Variants in ICE1 observed in about 807,000 individuals in gnomAD.
ICE1 encodes the protein little elongation complex subunit 1.
ICE1 carries 64 observed loss-of-function variants against 192.7 expected under a neutral mutation model. That is an observed-to-expected ratio of 0.33 (90% CI 0.27 to 0.41). ICE1 has a LOEUF of 0.41. Ranked by LOEUF, ICE1 falls within the 10% of genes least tolerant of loss-of-function variation. The probability of loss-of-function intolerance (pLI) is 1.00; values close to 1 mark genes in which losing one functional copy is unlikely to be tolerated. For synonymous variants in ICE1, 1,010 were observed against 984.5 expected (o/e 1.03, Z -0.49); for missense variants, 2,708 against 2,696.0 (o/e 1.00, Z -0.10).
In ICE1 at chr5:5,463,658, T is replaced by C. The variant is rs1393147581; in HGVS notation, c.4324T>C (p.Cys1442Arg). ...GCCACATGTGGACCAGGTCACACTG[T>C]GTGACATTCCTGGAGACATCCCTAT... Reference protein sequence around the residue: ...VLPHVDQVTLCDIPGDIPISQ... With the variant: ...VLPHVDQVTLRDIPGDIPISQ... The change falls in exon 13 of 19, where the codon TGT becomes CGT. Residue 1442 changes from cysteine to arginine, a missense_variant. By Grantham distance (180) the Cys-to-Arg change is radical (BLOSUM62 -3). This residue lies in a region of ICE1 where 2,366 missense variants were observed against 2,276.6 expected (regional missense o/e 1.04). Coordinates refer to ENST00000296564, the MANE Select transcript of ICE1 (RefSeq NM_015325.3). The C allele has an allele frequency of 1.2e-6, 2 of 1,613,862 alleles. No individual in the cohort carries two copies. Among genetic ancestry groups the C allele is most frequent in the East Asian group, 4.5e-5 (2 of 44,888 alleles).
At position 5,460,717 on chromosome 5, in the gene ICE1, A is replaced by C. The variant is rs1260725776; in HGVS notation, c.1383A>C (p.Glu461Asp). The change falls in exon 13 of 19, where the codon GAA becomes GAC. Residue 461 changes from glutamate to aspartate, a missense_variant. By Grantham distance (45) the Glu-to-Asp change is conservative. This residue lies in a region of ICE1 where 2,366 missense variants were observed against 2,276.6 expected (regional missense o/e 1.04). Coordinates refer to ENST00000296564, the MANE Select transcript of ICE1 (RefSeq NM_015325.3). ...ESSATHSLVGEKHWTTASRSM... is the reference protein window; with the variant it reads ...ESSATHSLVGDKHWTTASRSM... The stretch of plus-strand genomic sequence containing the variant: ...CTGCCACACACTCCTTAGTTGGTGA[A>C]AAACACTGGACCACAGCATCTCGAT... The C allele has an allele frequency of 6.2e-7, 1 of 1,613,888 alleles. No individual in the cohort carries two copies. The highest frequency in any genetic ancestry group is 8.5e-7 in the Non-Finnish European group (1 of 1,179,916).
chr5:5,445,175 G>T lies in ICE1; in HGVS notation c.424+849G>T, dbSNP rs115022466. Reference sequence around the variant, plus strand: ...AGAGTTTGAATTTAGTTACATCCGGGCACATAGAATAATAGTTGCGGAAAG... The same window carrying T: ...AGAGTTTGAATTTAGTTACATCCGGTCACATAGAATAATAGTTGCGGAAAG... On this transcript the variant is annotated intron_variant, in intron 7 of 18. Transcript: ENST00000296564. Among the ~76,000 whole-genome samples, 586 of 152,252 alleles carry T rather than the reference G, an allele frequency of 3.8e-3. 7 individuals are homozygous for T. Among genetic ancestry groups the T allele is most frequent in the South Asian group, 0.035 (170 of 4,816 alleles).
In ICE1 at chr5:5,463,637, CAT is replaced by C; in HGVS notation, c.4304_4305del (p.His1435ArgfsTer8). On this transcript the variant is annotated frameshift_variant, in exon 13 of 19. Transcript: ENST00000296564. LOFTEE classifies it high-confidence loss of function. Reference sequence around the variant, plus strand: ...CATCAGTGGTGTAGCTGTCTTGCCACATGTGGACCAGGTCACACTGTGTGACA... The same window carrying C: ...CATCAGTGGTGTAGCTGTCTTGCCACGTGGACCAGGTCACACTGTGTGACA... Reference protein sequence around the residue: ...TIISGVAVLPHVDQVTLCDIP... With the variant: ...TIISGVAVLPXVDQVTLCDIP... 1 of 1,613,996 alleles carries C rather than the reference CAT, an allele frequency of 6.2e-7. No individual in the cohort carries two copies. Among genetic ancestry groups the C allele is most frequent in the Non-Finnish European group, 8.5e-7 (1 of 1,179,888 alleles).
intron 17 of ICE1, among the ~76,000 whole-genome samples, chr5:5,480,089 A>G (rs1271715153): frequency 2.0e-5 from 3 of 152,150 alleles, no homozygotes; most frequent in Non-Finnish European, 4.4e-5. Flanking sequence ...CACAACTGAA[A>G]AAAGAAAGCT....
chr5:5,476,102 G>GT (rs781708880), intron 17 of ICE1, 23 bp downstream of exon 17: 4 of 1,400,320 alleles, frequency 2.9e-6, no homozygotes, highest in African/African-American at 1.5e-5. Flanking sequence ...TTTTATTATT[G>GT]TTTTTTTCTT....
chr5:5,429,164 G>A (rs1338585599), intron 1 of ICE1, among the ~76,000 whole-genome samples: 3 of 152,110 alleles, frequency 2.0e-5, no homozygotes, highest in South Asian at 2.1e-4. Flanking sequence ...GTTATCTGCC[G>A]GGGAATCTCA....
chr5:5,476,194 C>A, intron 17 of ICE1, 115 bp downstream of exon 17: 1 of 569,184 alleles, frequency 1.8e-6, no homozygotes, highest in African/African-American at 2.0e-5. Context: ...ATTTTACAAC[C>A]ATCAGAGTAG....
At chr5:5,479,323 G>A (rs1410237051) in intron 17 of ICE1, among the ~76,000 whole-genome samples, 1 of 152,160 alleles carries the variant, frequency 6.6e-6, no homozygotes, top group Non-Finnish European at 1.5e-5. Context: ...CATTTATGCG[G>A]CCAACAAACA....
At chr5:5,424,379 C>G (rs1358551911) in intron 1 of ICE1, among the ~76,000 whole-genome samples, 1 of 152,034 alleles carries the variant, frequency 6.6e-6, no homozygotes, top group Non-Finnish European at 1.5e-5. Context: ...AACGCCCCCC[C>G]GCCCCCGCCA....
At chr5:5,482,246 A>G (rs1453934968) in intron 17 of ICE1, among the ~76,000 whole-genome samples, 1 of 152,192 alleles carries the variant, frequency 6.6e-6, no homozygotes, top group African/African-American at 2.4e-5. Context: ...ATTTATGACT[A>G]TTTAATAATA....
At chr5:5,438,471 T>G (rs1393632768) in intron 3 of ICE1, among the ~76,000 whole-genome samples, 2 of 152,250 alleles carry the variant, frequency 1.3e-5, no homozygotes, top group Non-Finnish European at 2.9e-5. Context: ...TCTTCTTATG[T>G]GCCTCATCTG....
At chr5:5,434,436 C>G (rs983273508) in intron 1 of ICE1, among the ~76,000 whole-genome samples, 3 of 152,160 alleles carry the variant, frequency 2.0e-5, no homozygotes, top group Non-Finnish European at 4.4e-5. Context: ...TTATTCACTG[C>G]TGGATTTACT....
At position 5,462,015 on chromosome 5, in the gene ICE1, A is replaced by T; in HGVS notation, c.2681A>T (p.Asn894Ile). The T allele has an allele frequency of 3.1e-6, 5 of 1,613,988 alleles. No individual in the cohort carries two copies. Among genetic ancestry groups the T allele is most frequent in the Non-Finnish European group, 4.2e-6 (5 of 1,179,888 alleles). The stretch of plus-strand genomic sequence containing the variant: ...ACCTTAGTAACAGAAAATAGTGGCA[A>T]CAAAACCGGTATGTCAACTGTAGCA... ...EPTLVTENSG[N>I]KTGMSTVAKC... Residue 894 changes from asparagine to isoleucine, a missense_variant, in exon 13 of 19, where the codon AAC (asparagine) becomes ATC (isoleucine). Physicochemically the swap from Asn to Ile is moderately radical, Grantham distance 149. Coordinates refer to ENST00000296564, the MANE Select transcript of ICE1 (RefSeq NM_015325.3).
Position 5,461,970 on chromosome 5 carries a change from G to C in ICE1, c.2636G>C (p.Arg879Thr), listed in dbSNP as rs762641565. Residue 879 changes from arginine to threonine, a missense_variant, in exon 13 of 19, where the codon AGG becomes ACG. Arg to Thr is a moderately conservative substitution (Grantham distance 71). This residue lies in a region of ICE1 where 2,366 missense variants were observed against 2,276.6 expected (regional missense o/e 1.04). Coordinates refer to ENST00000296564, the MANE Select transcript of ICE1 (RefSeq NM_015325.3). ...CAGAGTGCCAAATTGGAACACTTGA[G>C]GCCACATAGGGTTGAGCCTACCTTA... ...KVQSAKLEHL[R>T]PHRVEPTLVT... 1.2e-6 allele frequency: 2 copies of C among 1,613,954 alleles called. No homozygotes were observed. Among genetic ancestry groups the C allele is most frequent in the Non-Finnish European group, 1.7e-6 (2 of 1,179,890 alleles).
chr5:5,465,260 A>T (rs1367719040), intron 13 of ICE1, 34 bp downstream of exon 13: 6 of 1,418,580 alleles, frequency 4.2e-6, no homozygotes, highest in Non-Finnish European at 5.7e-6. Context: ...TGCATTAGGG[A>T]TTACATGTCC....
intron 11 of ICE1, among the ~76,000 whole-genome samples, chr5:5,455,252 T>C (rs1015927822): frequency 6.6e-6 from 1 of 152,144 alleles, no homozygotes; most frequent in African/African-American, 2.4e-5. Flanking sequence ...CTAAAGACAG[T>C]TGGAAAAAAT....
chr5:5,461,512 A>G lies in ICE1; in HGVS notation c.2178A>G (p.Thr726=). 6.2e-7 allele frequency: 1 copy of G among 1,613,594 alleles called. No homozygotes were observed. The highest frequency in any genetic ancestry group is 1.7e-5 in the Admixed American group (1 of 59,964). The change falls in exon 13 of 19, where the codon ACA becomes ACG. Residue 726 remains threonine, a synonymous_variant. Transcript: ENST00000296564. ...AGAAGAGCAGTGGGATAGAATATAC[A>G]AAAGTAGTAAAAGGCTTGACCAAAA... ...NDQKSSGIEY[T]KVVKGLTKIH... is the part of the protein sequence containing the mutation.
At chr5:5,450,335 T>C (rs999974879) in intron 10 of ICE1, among the ~76,000 whole-genome samples, 2 of 152,178 alleles carry the variant, frequency 1.3e-5, no homozygotes, top group Non-Finnish European at 2.9e-5. Flanking sequence ...AAAAGATCAA[T>C]TAAGTTGATC....
intron 7 of ICE1, among the ~76,000 whole-genome samples, chr5:5,446,675 C>T (rs890282359): frequency 1.3e-5 from 2 of 151,912 alleles, no homozygotes; most frequent in South Asian, 2.1e-4. Flanking sequence ...CTTTATTTTT[C>T]GTGTATAAAA....
Sources: allele counts gnomAD v4.1 joint callset (sites outside exome capture counted in the v4.1 genomes callset), GRCh38; gene constraint gnomAD v4.1.1; regional missense constraint gnomAD v4.1.1; transcripts MANE v1.5; gene names NCBI Gene and HGNC (gene_info 2026-07-23, HGNC 2026-07-21).